GOLGA2: variants seen among roughly 807,000 people sequenced by gnomAD.
GOLGA2 encodes golgin subfamily A member 2.
Under a neutral mutation model 148.8 loss-of-function variants are expected in GOLGA2, and 49 were observed. That is an observed-to-expected ratio of 0.33 (90% CI 0.26 to 0.42). GOLGA2 has a LOEUF of 0.42. Ranked by LOEUF, GOLGA2 falls within the 10% of genes least tolerant of loss-of-function variation. GOLGA2 has a pLI of 1.00. For synonymous variants in GOLGA2, 501 were observed against 511.8 expected (o/e 0.98, Z 0.28); for missense variants, 1,178 against 1,304.6 (o/e 0.90, Z 1.49).
At position 128,263,051 on chromosome 9, in the gene GOLGA2, C is replaced by T. The variant is rs1463724602; in HGVS notation, c.975G>A (p.Leu325=). The T allele has an allele frequency of 6.2e-7, 1 of 1,610,556 alleles. No homozygotes were observed. Among genetic ancestry groups the T allele is most frequent in the African/African-American group, 1.3e-5 (1 of 74,970 alleles). ...CATCCTACGTGTTCTTGTATAACTC[C>T]AGCCTGAGGGCGTCTCTCTCTTTGG... ...ELTKERDALR[L]ELYKNTQSNE... The change falls in exon 13 of 27, where the codon CTG becomes CTA. Residue 325 remains leucine (L), a synonymous_variant. Coordinates refer to ENST00000611957, the MANE Select transcript of GOLGA2 (RefSeq NM_001366244.2).
At chr9:128,273,521 T>C (rs1215079019) in intron 2 of GOLGA2, 1 of 459,642 alleles carries the variant, frequency 2.2e-6, no homozygotes, top group Admixed American at 3.8e-5. Context: ...AGACTGGAGA[T>C]GAGGAAAATG....
chr9:128,260,807 G>A lies in GOLGA2; in HGVS notation c.1421-5C>T. 6.3e-7 allele frequency: 1 copy of A among 1,583,306 alleles called. No homozygotes were observed. The highest frequency in any genetic ancestry group is 8.6e-7 in the Non-Finnish European group (1 of 1,159,778). On this transcript the variant is annotated splice_region_variant and splice_polypyrimidine_tract_variant and intron_variant, in intron 17 of 26. Transcript: ENST00000611957. This position sits in a 1 kb window ranked among gnomAD's most constrained non-coding sequence, Gnocchi z 4.8. Reference sequence around the variant, plus strand: ...GCTCTGGGGGCGGGGGTTCAGCTGAGAAAGGACGCAGACAATAAAAGCCTC... The same window carrying A: ...GCTCTGGGGGCGGGGGTTCAGCTGAAAAAGGACGCAGACAATAAAAGCCTC...
In GOLGA2 at chr9:128,259,020, A is replaced by G. The variant is rs749715911; in HGVS notation, c.2160T>C (p.Ala720=). The change falls in exon 21 of 27, where the codon GCT becomes GCC. Residue 720 remains alanine, a synonymous_variant. Coordinates refer to ENST00000611957, the MANE Select transcript of GOLGA2 (RefSeq NM_001366244.2). ...AGGTTCCCGTACCTTCCCCAGGGTGAGCCATGAGGCTCAACTGGGCCCGTA... is the reference window on the plus strand; with the variant it reads ...AGGTTCCCGTACCTTCCCCAGGGTGGGCCATGAGGCTCAACTGGGCCCGTA... ...QQLRAQLSLM[A]HPGEGDGLDR... is the part of the protein sequence containing the mutation. 2 of 1,602,338 alleles carry G rather than the reference A, an allele frequency of 1.2e-6. No homozygotes were observed. The highest frequency in any genetic ancestry group is 1.7e-5 in the Admixed American group (1 of 60,006).
intron 3 of GOLGA2, among the ~76,000 whole-genome samples, 178 bp from the exon 4 acceptor site, chr9:128,268,702 C>T (rs1197453860): frequency 2.0e-5 from 3 of 152,180 alleles, no homozygotes; most frequent in African/African-American, 7.2e-5. Context: ...TGCTAGGCAG[C>T]ATTTCAGATG....
At chr9:128,274,041 T>C in intron 1 of GOLGA2, 69 bp from the exon 2 acceptor site, 1 of 1,510,538 alleles carries the variant, frequency 6.6e-7, no homozygotes. Flanking sequence ...TACTTTACAA[T>C]TTTTCCAAAA....
rs562171959 is a variant in GOLGA2 at position 128,256,273 on chromosome 9, C to T, written c.*794G>A. 6.6e-6 allele frequency: 1 copy of T among 152,358 alleles called. No homozygotes were observed. The highest frequency in any genetic ancestry group is 1.9e-4 in the East Asian group (1 of 5,184). 9.4% of individuals were successfully genotyped at this position (152,358 alleles called of 1,614,324 possible). A position where few individuals can be genotyped will look rare whatever the true frequency, so the allele number is the denominator to read the frequency against. On this transcript the variant is annotated 3_prime_UTR_variant, in exon 27 of 27. Coordinates refer to ENST00000611957, the MANE Select transcript of GOLGA2 (RefSeq NM_001366244.2). ...CCTCTGGCTATTAAATAACAATCAT[C>T]ATCATCCAGAAATTTAAGGAGTCAG... is the stretch of plus-strand genomic sequence containing the variant.
intron 14 of GOLGA2, 85 bp downstream of exon 14, chr9:128,262,478 G>C (rs1041770893): frequency 3.3e-5 from 44 of 1,330,744 alleles, no homozygotes; most frequent in Middle Eastern, 2.2e-4. Flanking sequence ...CTCTTGGCTG[G>C]AGTCTCCCCA....
At chr9:128,275,565 C>T in intron 1 of GOLGA2, 1 of 1,167,966 alleles carries the variant, frequency 8.6e-7, no homozygotes, top group East Asian at 3.2e-5. Flanking sequence ...AGGGCAGGGG[C>T]TGAATTGCTG....
rs1361816127 is a variant in GOLGA2, at chr9:128,267,472, G to A, written c.547C>T (p.Leu183=). The A allele has an allele frequency of 6.2e-7, 1 of 1,613,338 alleles. No individual in the cohort carries two copies. ...NGEGPASSAN[L]KDLESRYQQL... ...GGGCCTCTTACCTCCAGATCCTTCA[G>A]GTTAGCAGACGATGCAGGGCCCTCC... The change falls in exon 7 of 27, where the codon CTG becomes TTG. Residue 183 remains leucine (L), a synonymous_variant. Coordinates refer to ENST00000611957, the MANE Select transcript of GOLGA2 (RefSeq NM_001366244.2).
intron 3 of GOLGA2, among the ~76,000 whole-genome samples, chr9:128,270,953 G>A (rs971673582): frequency 6.6e-6 from 1 of 152,118 alleles, no homozygotes; most frequent in Admixed American, 6.6e-5. Flanking sequence ...GGAGGCTGAG[G>A]CATGAAAATC....
intron 2 of GOLGA2, among the ~76,000 whole-genome samples, chr9:128,273,433 C>T (rs1043057583): frequency 6.6e-6 from 1 of 152,124 alleles, no homozygotes; most frequent in Non-Finnish European, 1.5e-5. Flanking sequence ...CCTCACCACA[C>T]CCTGGGGCCC....
intron 1 of GOLGA2, among the ~76,000 whole-genome samples, chr9:128,274,213 A>G (rs1293265050): frequency 6.6e-6 from 1 of 152,212 alleles, no homozygotes; most frequent in East Asian, 1.9e-4. Context: ...GCCACAAATC[A>G]GCAGCTGCCA....
Position 128,275,470 on chromosome 9 carries a change from G to A in GOLGA2, c.84+423C>T, listed in dbSNP as rs73672485. Reference sequence around the variant, plus strand: ...TGGAGACCCGAGACCAAAGAACCCCGGGAGGTCCGGTTTGGGGCGGCAGGA... The same window carrying A: ...TGGAGACCCGAGACCAAAGAACCCCAGGAGGTCCGGTTTGGGGCGGCAGGA... On this transcript the variant is annotated intron_variant, in intron 1 of 26. Transcript: ENST00000611957. 918 of 1,303,900 alleles carry A rather than the reference G, an allele frequency of 7.0e-4. 4 individuals carry two copies. The African/African-American group carries it at 0.013, about 18-fold the overall frequency. The allele number at this position is 1,303,900 out of a possible 1,614,324, so 80.8% of individuals were successfully genotyped here.
intron 12 of GOLGA2, among the ~76,000 whole-genome samples, chr9:128,263,578 C>T (rs1047159720): frequency 1.2e-4 from 19 of 152,002 alleles, no homozygotes; most frequent in East Asian, 1.9e-4. Context: ...CCACCACACC[C>T]GGCTAATTTT....
At chr9:128,267,604 A>G in intron 6 of GOLGA2, 87 bp from the exon 7 acceptor site, 1 of 1,015,604 alleles carries the variant, frequency 9.8e-7, no homozygotes, top group Non-Finnish European at 1.6e-6. Context: ...GCAATTGGCA[A>G]CATTTTCTTT....
chr9:128,275,412 G>A, intron 1 of GOLGA2: 1 of 1,292,522 alleles, frequency 7.7e-7, no homozygotes, highest in Non-Finnish European at 9.9e-7. Flanking sequence ...TCCGCGATGG[G>A]GGAGGGGACC....
intron 1 of GOLGA2, chr9:128,275,327 C>G: frequency 2.8e-6 from 3 of 1,062,864 alleles, no homozygotes; most frequent in Non-Finnish European, 3.8e-6. Context: ...CAACTAATTA[C>G]GGTTCCGAGG....
In GOLGA2 at chr9:128,262,698, G is replaced by T; in HGVS notation, c.999C>A (p.Ser333Arg). ...ATTTCTCTTGCTTCAGGTCCTCATT[G>T]CTTTGGCTATGGCCAGAGGCAGTAG... ...LRLELYKNTQ[S>R]NEDLKQEKSE... is the part of the protein sequence containing the mutation. The change falls in exon 14 of 27, where the codon AGC (serine) becomes AGA (arginine). Residue 333 changes from serine (S) to arginine (R), a missense_variant. Coordinates refer to ENST00000611957, the MANE Select transcript of GOLGA2 (RefSeq NM_001366244.2). The T allele has an allele frequency of 6.2e-7, 1 of 1,612,778 alleles. No individual in the cohort carries two copies. The highest frequency in any genetic ancestry group is 8.5e-7 in the Non-Finnish European group (1 of 1,179,582).
Position 128,273,907 on chromosome 9 carries a change from T to C in GOLGA2, c.150A>G (p.Ile50Met). ...VPTGAKKKKKIKNGSNPETTT... is the reference protein window; with the variant it reads ...VPTGAKKKKKMKNGSNPETTT... Reference sequence around the variant, plus strand: ...TTGTCTCAGGGTTACTGCCATTTTTTATTTTCTTCTTCTTTTTCGCTCCTG... The same window carrying C: ...TTGTCTCAGGGTTACTGCCATTTTTCATTTTCTTCTTCTTTTTCGCTCCTG... Residue 50 changes from isoleucine to methionine, a missense_variant, in exon 2 of 27, where the codon ATA becomes ATG. This residue lies in a region of GOLGA2 where 158 missense variants were observed against 156.6 expected (regional missense o/e 1.01). Transcript: ENST00000611957. 2 of 1,613,980 alleles carry C rather than the reference T, an allele frequency of 1.2e-6. No homozygotes were observed. Among genetic ancestry groups the C allele is most frequent in the Non-Finnish European group, 1.7e-6 (2 of 1,179,796 alleles).
Sources: gnomAD v4.1 joint callset for allele counts (sites outside exome capture counted in the v4.1 genomes callset) on GRCh38, gnomAD v4.1.1 for gene constraint, gnomAD v4.1.1 regional missense constraint, Gnocchi (gnomAD v3.1) non-coding constraint, MANE v1.5 for transcripts, NCBI Gene and HGNC (gene_info 2026-07-23, HGNC 2026-07-21) for gene names.